The following PIK3C3 variants were observed in gnomAD, a reference collection of about 807,000 sequenced individuals.
PIK3C3 encodes PI3-kinase type 3.
In PIK3C3, 95 loss-of-function variants were observed where a neutral mutation model predicts 126.1. That is an observed-to-expected ratio of 0.75 (90% CI 0.64 to 0.89). The LOEUF is 0.89. Ranked by LOEUF, PIK3C3 falls within the 40% of genes least tolerant of loss-of-function variation. PIK3C3 has a pLI of 0.00. For synonymous variants in PIK3C3, 374 were observed against 360.0 expected (o/e 1.04, Z -0.44); for missense variants, 829 against 1,063.2 (o/e 0.78, Z 3.06).
intron 5 of PIK3C3, among the ~76,000 whole-genome samples, chr18:41,989,245 A>T (rs1167439955): frequency 6.6e-6 from 1 of 151,868 alleles, no homozygotes; most frequent in Non-Finnish European, 1.5e-5. Flanking sequence ...TATTTTTAAA[A>T]TTTTTTGTAG....
chr18:42,086,186 A>G lies in PIK3C3; in HGVS notation c.*5049A>G, dbSNP rs1433328232. Reference sequence around the variant, plus strand: ...TTTGCATTAGATTGTCACCAGCACTATCTGCCTTGTGACTGTCAGGACTAA... The same window carrying G: ...TTTGCATTAGATTGTCACCAGCACTGTCTGCCTTGTGACTGTCAGGACTAA... On this transcript the variant is annotated 3_prime_UTR_variant, in exon 25 of 25. Transcript: ENST00000262039. 6.6e-6 allele frequency: 1 copy of G among 152,226 alleles called. No individual in the cohort carries two copies. Among genetic ancestry groups the G allele is most frequent in the Non-Finnish European group, 1.5e-5 (1 of 68,048 alleles). The allele number at this position is 152,226 out of a possible 1,614,324, so 9.4% of individuals were successfully genotyped here. A position where few individuals can be genotyped will look rare whatever the true frequency, so the allele number is the denominator to read the frequency against.
intron 16 of PIK3C3, among the ~76,000 whole-genome samples, chr18:42,037,230 T>G (rs1014663990): frequency 1.3e-5 from 2 of 152,310 alleles, no homozygotes; most frequent in Admixed American, 6.5e-5. Flanking sequence ...GTTGTACTGT[T>G]TCACCTTATT....
At chr18:41,967,382 A>G (rs933449834) in intron 3 of PIK3C3, among the ~76,000 whole-genome samples, 3 of 152,150 alleles carry the variant, frequency 2.0e-5, no homozygotes, top group Non-Finnish European at 4.4e-5. Flanking sequence ...ACTTAGGGAA[A>G]CGCTGCCTTT....
chr18:41,969,094 C>G (rs1980519780), intron 3 of PIK3C3, among the ~76,000 whole-genome samples: 1 of 151,788 alleles, frequency 6.6e-6, no homozygotes, highest in Non-Finnish European at 1.5e-5. Context: ...GCTGAGATTA[C>G]AGGTGTGAGC....
At chr18:41,957,781 G>T (rs1243136195) in intron 2 of PIK3C3, 23 bp downstream of exon 2, 1 of 1,573,490 alleles carries the variant, frequency 6.4e-7, no homozygotes, top group Admixed American at 1.8e-5. Flanking sequence ...GTGGCATATG[G>T]TATGTTACAG....
chr18:41,995,826 G>A, intron 7 of PIK3C3, 64 bp from the exon 8 acceptor site: 2 of 1,121,780 alleles, frequency 1.8e-6, no homozygotes, highest in Non-Finnish European at 2.7e-6. Context: ...TTCTATTTAT[G>A]AATAGCTTTT....
chr18:41,964,840 A>G (rs1980276461), intron 3 of PIK3C3, among the ~76,000 whole-genome samples: 1 of 152,036 alleles, frequency 6.6e-6, no homozygotes, highest in Non-Finnish European at 1.5e-5. Flanking sequence ...AGGCTTCTAA[A>G]CTCATGAATG....
In PIK3C3 at chr18:41,964,289, A is replaced by G. The variant is rs142130452; in HGVS notation, c.401+1657A>G. On this transcript the variant is annotated intron_variant, in intron 3 of 24. Transcript: ENST00000262039. Reference sequence around the variant, plus strand: ...CTCAATTCATCATGTGTTGAAGTCTAAGAGAGGCATTATAGTGTATAGTGC... The same window carrying G: ...CTCAATTCATCATGTGTTGAAGTCTGAGAGAGGCATTATAGTGTATAGTGC... Among the ~76,000 whole-genome samples, 262 of 152,260 alleles carry G rather than the reference A, an allele frequency of 1.7e-3. 1 individual carries two copies. Among genetic ancestry groups the G allele is most frequent in the African/African-American group, 5.8e-3 (243 of 41,566 alleles).
In PIK3C3 at chr18:42,040,849, T is replaced by A. The variant is rs1984281840; in HGVS notation, c.2103+108T>A. 5.2e-5 allele frequency: 38 copies of A among 729,172 alleles called. No individual in the cohort carries two copies. In the South Asian group the frequency reaches 6.7e-4, roughly 13 times the overall value. The allele number at this position is 729,172 out of a possible 1,614,324, so 45.2% of individuals were successfully genotyped here. The stretch of plus-strand genomic sequence containing the variant: ...TGAAAGTCTCCTTTTATCATTTTTC[T>A]TTCTTCAAGTTTTTTTTCTTCCTTT... On this transcript the variant is annotated intron_variant, in intron 19 of 24. Coordinates refer to ENST00000262039, the MANE Select transcript of PIK3C3 (RefSeq NM_002647.4).
intron 3 of PIK3C3, among the ~76,000 whole-genome samples, chr18:41,968,310 T>C (rs1980475575): frequency 6.6e-6 from 1 of 152,236 alleles, no homozygotes; most frequent in Non-Finnish European, 1.5e-5. Context: ...ATCATCTCAC[T>C]GTACGTAGTT....
chr18:42,037,695 G>A lies in PIK3C3; in HGVS notation c.1843G>A (p.Ala615Thr), dbSNP rs1984117127. Residue 615 changes from alanine (A) to threonine (T), a missense_variant, in exon 17 of 25, where the codon GCC becomes ACC. Ala to Thr is a moderately conservative substitution (Grantham distance 58). This residue lies in a region of PIK3C3 where 256 missense variants were observed against 291.0 expected (regional missense o/e 0.88). Transcript: ENST00000262039. ...IPETATLFKS[A>T]LMPAQLFFKT... ...AATCAATATTTTTATTTTCCAGAGTGCCCTTATGCCTGCACAGTTGTTTTT... is the reference window on the plus strand; with the variant it reads ...AATCAATATTTTTATTTTCCAGAGTACCCTTATGCCTGCACAGTTGTTTTT... The A allele has an allele frequency of 2.5e-6, 4 of 1,604,464 alleles. No individual in the cohort carries two copies. Among genetic ancestry groups the A allele is most frequent in the Non-Finnish European group, 8.5e-7 (1 of 1,173,822 alleles).
In PIK3C3 at chr18:41,955,366, G is replaced by T; in HGVS notation, c.68+7G>T. ...TCAACGTCCAGCTTAAGATGTAAGA[G>T]AACACTCGGGACAGGGAGTGGGATT... On this transcript the variant is annotated splice_region_variant and intron_variant, in intron 1 of 24. Coordinates refer to ENST00000262039, the MANE Select transcript of PIK3C3 (RefSeq NM_002647.4). 1 of 1,611,456 alleles carries T rather than the reference G, an allele frequency of 6.2e-7. No individual in the cohort carries two copies.
intron 24 of PIK3C3, 33 bp from the exon 25 acceptor site, chr18:42,081,090 T>G: frequency 8.0e-7 from 1 of 1,243,046 alleles, no homozygotes; most frequent in Middle Eastern, 1.9e-4. Flanking sequence ...TTAAGTAAAT[T>G]ATTTTCTGTT....
intron 24 of PIK3C3, among the ~76,000 whole-genome samples, chr18:42,072,306 A>G (rs1372966674): frequency 1.3e-5 from 2 of 152,186 alleles, no homozygotes; most frequent in African/African-American, 2.4e-5. Context: ...AGCATAAAAG[A>G]AACAACATTC....
intron 16 of PIK3C3, 79 bp downstream of exon 16, chr18:42,034,036 A>C (rs926973065): frequency 1.1e-6 from 1 of 948,642 alleles, no homozygotes; most frequent in Admixed American, 2.8e-5. Flanking sequence ...TTGGAAAACT[A>C]TTACATTGCA....
At chr18:42,049,384 G>T in intron 20 of PIK3C3, 147 bp from the exon 21 acceptor site, 1 of 496,366 alleles carries the variant, frequency 2.0e-6, no homozygotes, top group Non-Finnish European at 3.6e-6. Flanking sequence ...CAGACATGAA[G>T]ATTGCATATT....
At position 42,044,345 on chromosome 18, in the gene PIK3C3, A is replaced by T. The variant is rs544517882; in HGVS notation, c.2188+528A>T. Among the ~76,000 whole-genome samples, 5 of 151,852 alleles carry T rather than the reference A, an allele frequency of 3.3e-5. No homozygotes were observed. In the East Asian group the frequency reaches 9.6e-4, roughly 29 times the overall value. On this transcript the variant is annotated intron_variant, in intron 20 of 24. Transcript: ENST00000262039. ...TTTATTCTTCAGGCATTTATGTCTAACTTCACGAAGGTTATATTCTACAGG... is the reference window on the plus strand; with the variant it reads ...TTTATTCTTCAGGCATTTATGTCTATCTTCACGAAGGTTATATTCTACAGG...
At chr18:42,049,765 G>A (rs1984715579) in intron 21 of PIK3C3, 160 bp downstream of exon 21, 1 of 528,720 alleles carries the variant, frequency 1.9e-6, no homozygotes. Context: ...CCTGAGGTTG[G>A]GAGTTCGAGA....
At chr18:41,970,501 C>G in intron 4 of PIK3C3, 45 bp downstream of exon 4, 1 of 1,567,304 alleles carries the variant, frequency 6.4e-7, no homozygotes, top group South Asian at 1.1e-5. Context: ...TGACTGATGT[C>G]TATTGTAGTA....
Sources: gnomAD v4.1 joint callset for allele counts (sites outside exome capture counted in the v4.1 genomes callset) on GRCh38, gnomAD v4.1.1 for gene constraint, gnomAD v4.1.1 regional missense constraint, MANE v1.5 for transcripts, NCBI Gene and HGNC (gene_info 2026-07-23, HGNC 2026-07-21) for gene names.